SMYD3: variants seen among roughly 807,000 people sequenced by gnomAD.
SMYD3 encodes SET and MYND domain containing 3.
Under a neutral mutation model 57.7 loss-of-function variants are expected in SMYD3, and 36 were observed. The ratio of observed to expected loss-of-function variants is 0.62; its 90% CI spans 0.48 to 0.82. SMYD3 has a LOEUF of 0.82. SMYD3 is among the 40% of genes least tolerant of loss of function. SMYD3 has a pLI of 0.00. For synonymous variants in SMYD3, 211 were observed against 195.0 expected, an observed-to-expected ratio of 1.08 and a Z score of -0.68; for missense variants, 515 against 538.8, an observed-to-expected ratio of 0.96 and a Z score of 0.44.
chr1:245,911,934 C>T (rs2055022633), intron 8 of SMYD3, among the ~76,000 whole-genome samples: 1 of 152,030 alleles, frequency 6.6e-6, no homozygotes, highest in African/African-American at 2.4e-5. Flanking sequence ...CTCCCAGTTA[C>T]CCAGATCTGA....
intron 1 of SMYD3, among the ~76,000 whole-genome samples, chr1:246,440,376 C>T (rs1473315753): frequency 6.6e-6 from 1 of 152,118 alleles, no homozygotes; most frequent in Admixed American, 6.5e-5. Flanking sequence ...ACGACATTAG[C>T]ACTTTGCAGA....
In SMYD3 at chr1:246,355,040, A is replaced by T. The variant is rs777201525; in HGVS notation, c.219T>A (p.Ala73=). ...SQCRVAKYCS[A]KCQKKAWPDH... The stretch of plus-strand genomic sequence containing the variant: ...GGCTGAAAAGTCTTACCTGACACTT[A>T]GCACTACAGTATTTGGCGACGCGGC... Residue 73 remains alanine (A), a synonymous_variant, in exon 2 of 12, where the codon GCT becomes GCA. Transcript: ENST00000490107. The surrounding 1 kb of genome is among the most constrained non-coding windows in gnomAD (Gnocchi z 5.0). The T allele has an allele frequency of 6.2e-7, 1 of 1,614,176 alleles. No homozygotes were observed. The highest frequency in any genetic ancestry group is 1.1e-5 in the South Asian group (1 of 91,080).
At chr1:245,843,760 A>G (rs944167830) in intron 10 of SMYD3, among the ~76,000 whole-genome samples, 31 of 152,298 alleles carry the variant, frequency 2.0e-4, no homozygotes, top group South Asian at 2.1e-4. Context: ...ATGATAACTC[A>G]TGACAAGAGA....
chr1:245,911,524 C>T lies in SMYD3; in HGVS notation c.813+4006G>A, dbSNP rs1296902303. Reference sequence around the variant, plus strand: ...ATATATATATATACACACACATATACACACACACACAACGGAATATAGTTC... The same window carrying T: ...ATATATATATATACACACACATATATACACACACACAACGGAATATAGTTC... On this transcript the variant is annotated intron_variant, in intron 8 of 11. Transcript: ENST00000490107. Among the ~76,000 whole-genome samples the T allele has an allele frequency of 4.7e-5, 7 of 150,070 alleles. No homozygotes were observed. The South Asian group carries it at 6.3e-4, about 14-fold the overall frequency.
rs140911120 is a variant in SMYD3, at chr1:246,383,109, G to A, written c.165-28015C>T. Among the ~76,000 whole-genome samples the A allele has an allele frequency of 6.8e-3, 1,041 of 152,312 alleles. 14 individuals are homozygous for A. The highest frequency in any genetic ancestry group is 0.024 in the African/African-American group (979 of 41,574). On this transcript the variant is annotated intron_variant, in intron 1 of 11. Coordinates refer to ENST00000490107, the MANE Select transcript of SMYD3 (RefSeq NM_001167740.2). Reference sequence around the variant, plus strand: ...CAGGTCCCAGGCCTGCCCACCTATTGACCCAGGCACAAGGCTAGCCTGCCC... The same window carrying A: ...CAGGTCCCAGGCCTGCCCACCTATTAACCCAGGCACAAGGCTAGCCTGCCC...
In SMYD3 at chr1:246,301,827, A is replaced by G. The variant is rs139256037; in HGVS notation, c.531+25374T>C. ...GAATAAATAAATAAGTGACTATAATACAAAGCAGAATATTATACGTGTCAC... is the reference window on the plus strand; with the variant it reads ...GAATAAATAAATAAGTGACTATAATGCAAAGCAGAATATTATACGTGTCAC... On this transcript the variant is annotated intron_variant, in intron 5 of 11. Transcript: ENST00000490107. Among the ~76,000 whole-genome samples, 8 of 152,332 alleles carry G rather than the reference A, an allele frequency of 5.3e-5. No individual in the cohort carries two copies. The East Asian group carries it at 1.5e-3, about 29-fold the overall frequency.
At chr1:246,294,318 T>C (rs1429469003) in intron 5 of SMYD3, among the ~76,000 whole-genome samples, 1 of 152,180 alleles carries the variant, frequency 6.6e-6, no homozygotes, top group Non-Finnish European at 1.5e-5. Context: ...GCCCACTATG[T>C]TGCAGAGTTA....
intron 5 of SMYD3, among the ~76,000 whole-genome samples, chr1:246,231,525 G>A (rs933042170): frequency 6.6e-6 from 1 of 151,974 alleles, no homozygotes; most frequent in Non-Finnish European, 1.5e-5. Flanking sequence ...TTGTTTTCTG[G>A]TCATTGCTAT....
At chr1:246,371,019 T>C (rs570308959) in intron 1 of SMYD3, among the ~76,000 whole-genome samples, 54 of 152,318 alleles carry the variant, frequency 3.5e-4, no homozygotes, top group Non-Finnish European at 4.4e-4. Flanking sequence ...TTTGTAGAAA[T>C]GAAATTTGAA....
At position 246,395,716 on chromosome 1, in the gene SMYD3, C is replaced by G. The variant is rs1411478201; in HGVS notation, c.165-40622G>C. On this transcript the variant is annotated intron_variant, in intron 1 of 11. Transcript: ENST00000490107. ...ACCCACCATGGCTGGACAGGGAAGA[C>G]GAACACACCAGTCAGACAGGGAAGA... 3.8e-3 allele frequency among the ~76,000 whole-genome samples: 104 copies of G among 27,516 alleles called. 15 individuals are homozygous for G. The South Asian group carries it at 0.081, about 21-fold the overall frequency. The allele number at this position is 27,516 out of a possible 152,430, so 18.1% of individuals were successfully genotyped here.
intron 1 of SMYD3, among the ~76,000 whole-genome samples, chr1:246,467,929 G>C (rs941208960): frequency 1.3e-5 from 2 of 152,182 alleles, no homozygotes; most frequent in African/African-American, 4.8e-5. Flanking sequence ...CAGAGGCCAA[G>C]GTGGGCAGAT....
intron 10 of SMYD3, among the ~76,000 whole-genome samples, chr1:245,773,134 T>C (rs963023667): frequency 1.3e-5 from 2 of 149,268 alleles, no homozygotes; most frequent in Non-Finnish European, 3.0e-5. Flanking sequence ...AAAATGGTCA[T>C]TTTCCACAGC....
intron 1 of SMYD3, among the ~76,000 whole-genome samples, chr1:246,384,557 G>A (rs61841322): frequency 0.54 from 82,057 of 151,516 alleles, 22,620 homozygotes; most frequent in Non-Finnish European, 0.61. Flanking sequence ...CACCACGCCC[G>A]GCTAATTTTT....
intron 8 of SMYD3, among the ~76,000 whole-genome samples, chr1:245,872,351 TCC>T (rs2052245596): frequency 6.6e-6 from 1 of 152,122 alleles, no homozygotes; most frequent in Non-Finnish European, 1.5e-5. Flanking sequence ...AGTTCCCGCC[TCC>T]TGCTGCTTCA....
At chr1:246,254,706 T>C (rs1163507546) in intron 5 of SMYD3, among the ~76,000 whole-genome samples, 4 of 152,236 alleles carry the variant, frequency 2.6e-5, no homozygotes, top group Non-Finnish European at 5.9e-5. Flanking sequence ...GTGTTGAATC[T>C]GTAGACTGCT....
intron 5 of SMYD3, among the ~76,000 whole-genome samples, chr1:246,294,593 C>T (rs1335846763): frequency 6.9e-6 from 1 of 144,308 alleles, no homozygotes; most frequent in Non-Finnish European, 1.5e-5. Context: ...CTGGGCAAAC[C>T]AATTAAGCTT....
chr1:246,348,981 T>C (rs370045775), intron 2 of SMYD3, among the ~76,000 whole-genome samples: 1 of 151,972 alleles, frequency 6.6e-6, no homozygotes, highest in Non-Finnish European at 1.5e-5. Flanking sequence ...TAGAATTCTG[T>C]ACCCTGTGGA....
rs2045971446 is a variant in SMYD3 at position 245,764,153 on chromosome 1, G to A, written c.1077-4C>T. The A allele has an allele frequency of 3.1e-6, 5 of 1,609,978 alleles. No homozygotes were observed. The highest frequency in any genetic ancestry group is 1.3e-5 in the African/African-American group (1 of 74,776). On this transcript the variant is annotated splice_region_variant and splice_polypyrimidine_tract_variant and intron_variant, in intron 10 of 11. Coordinates refer to ENST00000490107, the MANE Select transcript of SMYD3 (RefSeq NM_001167740.2). Reference sequence around the variant, plus strand: ...ATGGCTTCCTGGGAAAAAAATCCTGGAAGAAACCAAACGGCAAACAGTGTC... The same window carrying A: ...ATGGCTTCCTGGGAAAAAAATCCTGAAAGAAACCAAACGGCAAACAGTGTC...
At chr1:245,979,925 T>C (rs1407835963) in intron 5 of SMYD3, among the ~76,000 whole-genome samples, 1 of 152,356 alleles carries the variant, frequency 6.6e-6, no homozygotes, top group East Asian at 1.9e-4. Context: ...CACATCAGAA[T>C]TATCTTCCAG....
Sources: allele counts gnomAD v4.1 joint callset (sites outside exome capture counted in the v4.1 genomes callset), GRCh38; gene constraint gnomAD v4.1.1; non-coding constraint Gnocchi (gnomAD v3.1); transcripts MANE v1.5; gene names NCBI Gene and HGNC (gene_info 2026-07-23, HGNC 2026-07-21).